CLASP2: variants seen among roughly 807,000 people sequenced by gnomAD.
CLASP2 encodes cytoplasmic linker associated protein 2.
A neutral mutation model predicts 194.4 loss-of-function variants in CLASP2; 47 were observed. That is an observed-to-expected ratio of 0.24 (90% CI 0.19 to 0.31). The LOEUF is 0.31. Ranked by LOEUF, CLASP2 falls within the 10% of genes least tolerant of loss-of-function variation. The pLI, the probability that CLASP2 is intolerant of heterozygous loss-of-function variation, is 1.00. For synonymous variants in CLASP2, 619 were observed against 633.5 expected, an observed-to-expected ratio of 0.98 and a Z score of 0.34; for missense variants, 1,445 against 1,823.6, an observed-to-expected ratio of 0.79 and a Z score of 3.78.
rs139688129 is a variant in CLASP2 at position 33,681,708 on chromosome 3, G to A, written c.644+2651C>T. Among the ~76,000 whole-genome samples, 1,002 of 152,214 alleles carry A rather than the reference G, an allele frequency of 6.6e-3. 4 individuals carry two copies. Among genetic ancestry groups the A allele is most frequent in the Middle Eastern group, 0.017 (5 of 294 alleles). On this transcript the variant is annotated intron_variant, in intron 6 of 38. Coordinates refer to ENST00000682230, the MANE Select transcript of CLASP2 (RefSeq NM_001365631.1). Reference sequence around the variant, plus strand: ...TAATATAACATATAGACTTTATTTGGACCCTGGTTCAACAAACTGTTAAAA... The same window carrying A: ...TAATATAACATATAGACTTTATTTGAACCCTGGTTCAACAAACTGTTAAAA...
chr3:33,538,206 A>G (rs1310600221), intron 33 of CLASP2, among the ~76,000 whole-genome samples: 1 of 152,114 alleles, frequency 6.6e-6, no homozygotes, highest in Non-Finnish European at 1.5e-5. Context: ...CAATGGTCCA[A>G]CTACACTGGT....
intron 32 of CLASP2, among the ~76,000 whole-genome samples, chr3:33,540,697 TAATG>T (rs1259007118): frequency 3.3e-5 from 5 of 152,166 alleles, no homozygotes; most frequent in African/African-American, 9.7e-5. Flanking sequence ...CCAATAATGT[TAATG>T]AATAACTTGA....
At chr3:33,647,797 G>T (rs1186759640) in intron 7 of CLASP2, among the ~76,000 whole-genome samples, 4 of 152,202 alleles carry the variant, frequency 2.6e-5, no homozygotes, top group African/African-American at 7.2e-5. Context: ...CACTTTGGGA[G>T]GCCGAGGCAG....
At chr3:33,502,086 C>T (rs1467220654) in intron 37 of CLASP2, 2 of 216,246 alleles carry the variant, frequency 9.2e-6, no homozygotes, top group African/African-American at 2.3e-5. Flanking sequence ...TTTCCTAAAG[C>T]ATTAGGTTTT....
chr3:33,698,714 T>G (rs2092149940), intron 1 of CLASP2, among the ~76,000 whole-genome samples: 2 of 152,198 alleles, frequency 1.3e-5, no homozygotes, highest in South Asian at 4.1e-4. Flanking sequence ...CTAGACTGAC[T>G]GCATAGCTCC....
Position 33,663,532 on chromosome 3 carries a change from A to G in CLASP2, c.645-17T>C. The G allele has an allele frequency of 6.4e-7, 1 of 1,571,290 alleles. No individual in the cohort carries two copies. The highest frequency in any genetic ancestry group is 2.2e-5 in the East Asian group (1 of 44,570). On this transcript the variant is annotated splice_polypyrimidine_tract_variant and intron_variant, in intron 6 of 38. Transcript: ENST00000682230. ...ATTTCTAATCTGGGAATAAAGAATA[A>G]ATTGGGTTTGTTTGATTTTTTAAAA...
intron 18 of CLASP2, among the ~76,000 whole-genome samples, chr3:33,601,103 C>A (rs534499426): frequency 2.0e-5 from 3 of 151,900 alleles, no homozygotes; most frequent in African/African-American, 7.3e-5. Flanking sequence ...GGACTACAGG[C>A]GCTCGCCACC....
Position 33,631,843 on chromosome 3 carries a change from G to A in CLASP2, c.942+449C>T, listed in dbSNP as rs538649602. The stretch of plus-strand genomic sequence containing the variant: ...ACTAGAATCACAAATTTTACATCAC[G>A]AAAAAATATAAAAAAAAAGCACTGA... On this transcript the variant is annotated intron_variant, in intron 9 of 38. Coordinates refer to ENST00000682230, the MANE Select transcript of CLASP2 (RefSeq NM_001365631.1). Among the ~76,000 whole-genome samples the A allele has an allele frequency of 1.8e-3, 202 of 115,130 alleles. 2 individuals are homozygous for A. The highest frequency in any genetic ancestry group is 1.9e-3 in the Admixed American group (19 of 10,114). 75.5% of individuals were successfully genotyped at this position (115,130 alleles called of 152,430 possible). A position where few individuals can be genotyped will look rare whatever the true frequency, so the allele number is the denominator to read the frequency against.
intron 21 of CLASP2, among the ~76,000 whole-genome samples, chr3:33,589,995 G>A (rs979762445): frequency 1.1e-4 from 17 of 151,896 alleles, no homozygotes; most frequent in Admixed American, 6.6e-5. Flanking sequence ...AAGGCAGTAA[G>A]AATAACAAGG....
At chr3:33,633,206 G>A (rs2079428920) in intron 8 of CLASP2, among the ~76,000 whole-genome samples, 1 of 152,118 alleles carries the variant, frequency 6.6e-6, no homozygotes, top group African/African-American at 2.4e-5. Flanking sequence ...GCACCAACTA[G>A]CCTCCACCCT....
At chr3:33,552,262 G>A (rs1449942235) in intron 29 of CLASP2, among the ~76,000 whole-genome samples, 2 of 151,646 alleles carry the variant, frequency 1.3e-5, no homozygotes, top group African/African-American at 4.8e-5. Context: ...GGAATTACAG[G>A]CGCCCGCCAC....
chr3:33,546,585 T>C (rs13087738), intron 30 of CLASP2, among the ~76,000 whole-genome samples: 17,771 of 152,258 alleles, frequency 0.12, 1,370 homozygotes, highest in Middle Eastern at 0.22. Flanking sequence ...TTCCCTTTTG[T>C]AATGCTTGTT....
At chr3:33,573,087 C>G in intron 25 of CLASP2, 23 bp downstream of exon 25, 2 of 1,611,480 alleles carry the variant, frequency 1.2e-6, no homozygotes, top group Non-Finnish European at 1.7e-6. Flanking sequence ...ATAGTAAAAT[C>G]ATTTTAAGAC....
chr3:33,665,801 A>G (rs1428778130), intron 6 of CLASP2, among the ~76,000 whole-genome samples: 2 of 152,238 alleles, frequency 1.3e-5, no homozygotes, highest in Non-Finnish European at 2.9e-5. Flanking sequence ...AAACGCATTT[A>G]TAATAGATGA....
intron 34 of CLASP2, among the ~76,000 whole-genome samples, chr3:33,524,286 A>G (rs1238521526): frequency 6.6e-6 from 1 of 152,168 alleles, no homozygotes; most frequent in East Asian, 1.9e-4. Context: ...TGGTATATCA[A>G]TGGTAATAGT....
chr3:33,697,375 C>T (rs1329552712), intron 1 of CLASP2, among the ~76,000 whole-genome samples: 2 of 152,198 alleles, frequency 1.3e-5, no homozygotes, highest in Non-Finnish European at 2.9e-5. Flanking sequence ...TCCTAGGCTA[C>T]TACCTGTACA....
intron 12 of CLASP2, among the ~76,000 whole-genome samples, chr3:33,616,728 T>C (rs2076230270): frequency 6.7e-6 from 1 of 148,384 alleles, no homozygotes; most frequent in African/African-American, 2.5e-5. Context: ...ATTCCCACTA[T>C]ACTTCCTTTT....
chr3:33,608,453 G>C, intron 14 of CLASP2, 114 bp downstream of exon 14: 1 of 821,086 alleles, frequency 1.2e-6, no homozygotes, highest in Non-Finnish European at 2.0e-6. Flanking sequence ...AGGAAAACCA[G>C]TACAAATAAC....
intron 37 of CLASP2, among the ~76,000 whole-genome samples, chr3:33,506,049 G>T (rs1467911679): frequency 6.6e-6 from 1 of 151,966 alleles, no homozygotes; most frequent in Non-Finnish European, 1.5e-5. Context: ...TAAACTTCAT[G>T]AAGTATTTAA....
Sources: allele counts gnomAD v4.1 joint callset (sites outside exome capture counted in the v4.1 genomes callset), GRCh38; gene constraint gnomAD v4.1.1; transcripts MANE v1.5; gene names NCBI Gene and HGNC (gene_info 2026-07-23, HGNC 2026-07-21).